The following CHCHD3 variants were observed in gnomAD, a reference collection of about 807,000 sequenced individuals.
CHCHD3 encodes coiled-coil-helix-coiled-coil-helix domain containing 3.
CHCHD3 carries 20 observed loss-of-function variants against 38.2 expected under a neutral mutation model. That is an observed-to-expected ratio of 0.52 (90% CI 0.37 to 0.76). The LOEUF (loss-of-function observed/expected upper bound fraction) is 0.76. Among genes scored for constraint, CHCHD3 ranks in the 30% least tolerant of loss-of-function variants. CHCHD3 has a pLI of 0.00. For missense variants in CHCHD3, 245 were observed against 279.2 expected (o/e 0.88, Z 0.87); for synonymous variants, 82 against 100.0 (o/e 0.82, Z 1.07).
chr7:132,928,514 T>G (rs1270070032), intron 4 of CHCHD3, among the ~76,000 whole-genome samples: 4 of 151,938 alleles, frequency 2.6e-5, no homozygotes, highest in African/African-American at 9.7e-5. Context: ...CTGGCCAACA[T>G]AGTGAAACCC....
At chr7:132,847,679 G>A (rs1295360296) in intron 5 of CHCHD3, among the ~76,000 whole-genome samples, 1 of 152,150 alleles carries the variant, frequency 6.6e-6, no homozygotes, top group Non-Finnish European at 1.5e-5. Flanking sequence ...ATTATTGCTC[G>A]ATTTGAAAAC....
At chr7:132,946,646 T>A (rs1421373742) in intron 4 of CHCHD3, among the ~76,000 whole-genome samples, 1 of 151,864 alleles carries the variant, frequency 6.6e-6, no homozygotes, top group Non-Finnish European at 1.5e-5. Flanking sequence ...TATATTGGTT[T>A]ATAATTTTAT....
chr7:132,875,581 A>G (rs1808875159), intron 5 of CHCHD3, among the ~76,000 whole-genome samples: 1 of 152,192 alleles, frequency 6.6e-6, no homozygotes, highest in Admixed American at 6.5e-5. Context: ...GTTCTTCACA[A>G]AACACACAGC....
At chr7:132,801,517 G>A (rs1806794013) in intron 6 of CHCHD3, among the ~76,000 whole-genome samples, 1 of 152,128 alleles carries the variant, frequency 6.6e-6, no homozygotes, top group Non-Finnish European at 1.5e-5. Context: ...TTACTAACAT[G>A]ATGAATGTTA....
intron 6 of CHCHD3, among the ~76,000 whole-genome samples, chr7:132,807,691 A>G (rs1240645386): frequency 7.4e-5 from 11 of 147,914 alleles, no homozygotes; most frequent in Non-Finnish European, 1.5e-4. Context: ...AGGCTGAGAA[A>G]TGATTATAAA....
At chr7:133,000,872 T>C (rs1285387347) in intron 3 of CHCHD3, among the ~76,000 whole-genome samples, 2 of 152,184 alleles carry the variant, frequency 1.3e-5, no homozygotes, top group East Asian at 3.9e-4. Flanking sequence ...TTCAAGTGTT[T>C]AATAGTCACC....
At chr7:132,987,342 A>G (rs923212617) in intron 3 of CHCHD3, among the ~76,000 whole-genome samples, 3 of 152,212 alleles carry the variant, frequency 2.0e-5, no homozygotes, top group African/African-American at 7.2e-5. Flanking sequence ...GCCCAAAACA[A>G]CAAACTCCTC....
At chr7:132,921,226 T>C (rs965184215) in intron 4 of CHCHD3, among the ~76,000 whole-genome samples, 4 of 152,230 alleles carry the variant, frequency 2.6e-5, no homozygotes, top group Non-Finnish European at 5.9e-5. Context: ...AGGGTCTATA[T>C]ATACATTAAG....
chr7:132,914,317 G>C (rs1422470391), intron 4 of CHCHD3, among the ~76,000 whole-genome samples: 2 of 152,156 alleles, frequency 1.3e-5, no homozygotes, highest in Admixed American at 1.3e-4. Context: ...TAGTTTAGCA[G>C]ACAGCATCCA....
At chr7:132,790,917 T>C (rs7786571) in intron 7 of CHCHD3, among the ~76,000 whole-genome samples, 108,799 of 152,020 alleles carry the variant, frequency 0.72, 39,503 homozygotes, top group African/African-American at 0.82. Context: ...GGCTTCCATC[T>C]GATTCCCACA....
intron 4 of CHCHD3, among the ~76,000 whole-genome samples, chr7:132,912,984 G>A: frequency 6.6e-6 from 1 of 152,192 alleles, no homozygotes; most frequent in African/African-American, 2.4e-5. Context: ...GACAATACTT[G>A]GTTCTGCTCA....
intron 7 of CHCHD3, among the ~76,000 whole-genome samples, chr7:132,794,808 A>G (rs193231796): frequency 7.9e-5 from 12 of 152,358 alleles, no homozygotes; most frequent in Non-Finnish European, 4.4e-5. Context: ...AATACTTTAT[A>G]TAAAGGTAAT....
At chr7:133,031,723 A>C (rs1247093649) in intron 2 of CHCHD3, among the ~76,000 whole-genome samples, 3 of 152,142 alleles carry the variant, frequency 2.0e-5, no homozygotes, top group African/African-American at 7.2e-5. Flanking sequence ...GCTAGTTTAA[A>C]CACACTAAAG....
At chr7:132,802,037 A>G (rs1422516563) in intron 6 of CHCHD3, among the ~76,000 whole-genome samples, 1 of 152,206 alleles carries the variant, frequency 6.6e-6, no homozygotes, top group Middle Eastern at 3.2e-3. Context: ...AATGAGCAAC[A>G]GTACTCTATA....
At chr7:132,971,677 A>C (rs527279623) in intron 4 of CHCHD3, among the ~76,000 whole-genome samples, 17 of 149,174 alleles carry the variant, frequency 1.1e-4, no homozygotes, top group Admixed American at 2.0e-4. Flanking sequence ...TCCCAACATC[A>C]CATCAGCTCC....
intron 2 of CHCHD3, among the ~76,000 whole-genome samples, chr7:133,030,138 G>A (rs908873950): frequency 1.3e-5 from 2 of 152,174 alleles, no homozygotes; most frequent in Non-Finnish European, 2.9e-5. Flanking sequence ...TAAAGAGTTT[G>A]AAATCTAAAA....
chr7:133,045,186 C>T (rs1311130954), intron 2 of CHCHD3, among the ~76,000 whole-genome samples: 1 of 152,144 alleles, frequency 6.6e-6, no homozygotes, highest in African/African-American at 2.4e-5. Context: ...ATTTAATTAA[C>T]AAAAGAAAGA....
chr7:132,986,870 A>C (rs1562930316), intron 3 of CHCHD3, among the ~76,000 whole-genome samples: 1 of 152,224 alleles, frequency 6.6e-6, no homozygotes, highest in African/African-American at 2.4e-5. Context: ...TTTATGGCAC[A>C]ATTGTCCTTA....
At chr7:133,022,336 A>C (rs1813205519) in intron 3 of CHCHD3, 1 of 455,242 alleles carries the variant, frequency 2.2e-6, no homozygotes, top group Non-Finnish European at 4.4e-6. Flanking sequence ...TATGAGTAAC[A>C]GTACAAAGGC....
Sources: allele counts gnomAD v4.1 joint callset (sites outside exome capture counted in the v4.1 genomes callset), GRCh38; gene constraint gnomAD v4.1.1; transcripts MANE v1.5; gene names NCBI Gene and HGNC (gene_info 2026-07-23, HGNC 2026-07-21).